Variants in CUL5 observed in about 807,000 individuals in gnomAD.
CUL5 encodes cullin 5.
CUL5 carries 26 observed loss-of-function variants against 108.8 expected under a neutral mutation model. The observed-to-expected ratio is 0.24, with a 90% CI of 0.18 to 0.33. The LOEUF (loss-of-function observed/expected upper bound fraction) is 0.33, where lower values mean the gene tolerates loss of function less well. Ranked by LOEUF, CUL5 falls within the 10% of genes least tolerant of loss-of-function variation. The pLI is 1.00. For missense variants in CUL5, 524 were observed against 909.2 expected (o/e 0.58, Z 5.45); for synonymous variants, 334 against 298.0 (o/e 1.12, Z -1.25).
At chr11:108,088,466 G>GA (rs558228012) in intron 11 of CUL5, 61 bp from the exon 12 acceptor site, 2 of 1,512,104 alleles carry the variant, frequency 1.3e-6, no homozygotes, top group South Asian at 2.5e-5. Context: ...ATTGACTTTA[G>GA]AAAAAAATAA....
chr11:108,090,500 A>C (rs535023661), intron 13 of CUL5, among the ~76,000 whole-genome samples: 4 of 149,598 alleles, frequency 2.7e-5, no homozygotes, highest in South Asian at 2.1e-4. Flanking sequence ...CAAGAAAAAT[A>C]AAATAAATAA....
chr11:108,088,947 G>C (rs1864287270), intron 12 of CUL5, among the ~76,000 whole-genome samples: 2 of 151,952 alleles, frequency 1.3e-5, no homozygotes, highest in South Asian at 4.2e-4. Flanking sequence ...AACAAATTTG[G>C]AATGATAGTT....
chr11:108,067,253 T>G (rs942053380), intron 7 of CUL5, among the ~76,000 whole-genome samples: 1 of 152,244 alleles, frequency 6.6e-6, no homozygotes, highest in Non-Finnish European at 1.5e-5. Context: ...ATACCTGTTA[T>G]AATAATTTGT....
At chr11:108,026,535 G>T (rs1257500298) in intron 1 of CUL5, among the ~76,000 whole-genome samples, 3 of 151,988 alleles carry the variant, frequency 2.0e-5, no homozygotes, top group Admixed American at 6.6e-5. Flanking sequence ...TCTCCTCTTA[G>T]CCTGTAGTCA....
rs1209955548 is a variant in CUL5 at position 108,094,894 on chromosome 11, A to ACTG, written c.1651_1653dup (p.Leu551dup). Reference sequence around the variant, plus strand: ...AAGTCTTTGTCTCACTTCCTACTGAACTGGAGGACTTGATACCGGAAGTAG... The same window carrying ACTG: ...AAGTCTTTGTCTCACTTCCTACTGAACTGCTGGAGGACTTGATACCGGAAGTAG... On this transcript the variant is annotated inframe_insertion, in exon 15 of 19. Coordinates refer to ENST00000393094, the MANE Select transcript of CUL5 (RefSeq NM_003478.6). The ACTG allele has an allele frequency of 6.2e-7, 1 of 1,613,126 alleles. No individual in the cohort carries two copies.
At chr11:108,093,855 A>T (rs1864419736) in intron 13 of CUL5, among the ~76,000 whole-genome samples, 1 of 152,146 alleles carries the variant, frequency 6.6e-6, no homozygotes, top group African/African-American at 2.4e-5. Flanking sequence ...GTATGCCGCC[A>T]TATCCTGCTA....
intron 4 of CUL5, among the ~76,000 whole-genome samples, chr11:108,050,747 A>T (rs558888002): frequency 1.3e-5 from 2 of 152,260 alleles, no homozygotes; most frequent in Admixed American, 6.5e-5. Flanking sequence ...TGATATCTTT[A>T]TGTTTAATTG....
intron 1 of CUL5, among the ~76,000 whole-genome samples, chr11:108,013,319 C>T (rs1006203817): frequency 6.6e-6 from 1 of 152,160 alleles, no homozygotes; most frequent in Non-Finnish European, 1.5e-5. Flanking sequence ...GTCTTAACTC[C>T]CATGATTTCA....
intron 13 of CUL5, among the ~76,000 whole-genome samples, chr11:108,090,117 A>G (rs920532159): frequency 6.6e-6 from 1 of 152,158 alleles, no homozygotes; most frequent in African/African-American, 2.4e-5. Context: ...TCAGTAAAGT[A>G]TCTTTGTTCT....
Position 108,088,445 on chromosome 11 carries a change from G to A in CUL5, c.1179-82G>A, listed in dbSNP as rs1864274685. 1.3e-4 allele frequency: 176 copies of A among 1,378,652 alleles called. 1 individual carries two copies. The South Asian group carries it at 2.1e-3, about 16-fold the overall frequency. The allele number at this position is 1,378,652 out of a possible 1,614,324, so 85.4% of individuals were successfully genotyped here. A position where few individuals can be genotyped will look rare whatever the true frequency, so the allele number is the denominator to read the frequency against. On this transcript the variant is annotated intron_variant, in intron 11 of 18. Transcript: ENST00000393094. ...CTAGATTATTTAACATGAGAAATTC[G>A]CTTGTGAATCATTGACTTTAGAAAA...
In CUL5 at chr11:108,072,399, G is replaced by A; in HGVS notation, c.942G>A (p.Leu314=). Residue 314 remains leucine (L), a synonymous_variant, in exon 9 of 19, where the codon TTG becomes TTA. Transcript: ENST00000393094. ...GTATAGAGCCAATGTTGAAAGACTT[G>A]GAGGAACATATCATTAGTGCTGGCC... ...PNGIEPMLKD[L]EEHIISAGLA... The A allele has an allele frequency of 6.2e-7, 1 of 1,612,302 alleles. No homozygotes were observed. Among genetic ancestry groups the A allele is most frequent in the Non-Finnish European group, 8.5e-7 (1 of 1,178,712 alleles).
Position 108,031,877 on chromosome 11 carries a change from G to T in CUL5, c.25-1925G>T, listed in dbSNP as rs977927127. On this transcript the variant is annotated intron_variant, in intron 1 of 18. Transcript: ENST00000393094. The stretch of plus-strand genomic sequence containing the variant: ...AGATCATGTCCTTTGCAGGGACATG[G>T]ATGGAGCTGGAGGCCATTTTCCTTA... 2.6e-5 allele frequency among the ~76,000 whole-genome samples: 4 copies of T among 152,302 alleles called. No homozygotes were observed. The South Asian group carries it at 8.3e-4, about 32-fold the overall frequency.
chr11:108,081,404 A>T (rs997735741), intron 11 of CUL5, among the ~76,000 whole-genome samples: 1 of 151,958 alleles, frequency 6.6e-6, no homozygotes, highest in African/African-American at 2.4e-5. Flanking sequence ...ATATTTTTGC[A>T]TGTGGATACC....
chr11:108,009,292 C>G lies in CUL5; in HGVS notation c.-57C>G. On this transcript the variant is annotated 5_prime_UTR_variant, in exon 1 of 19. Transcript: ENST00000393094. Reference sequence around the variant, plus strand: ...GGGAGCTCCGGCCTCCGGTCAAGGCCTGGCCGGGAGCGCCACGAATTCTCG... The same window carrying G: ...GGGAGCTCCGGCCTCCGGTCAAGGCGTGGCCGGGAGCGCCACGAATTCTCG... 6.2e-7 allele frequency: 1 copy of G among 1,603,054 alleles called. No individual in the cohort carries two copies. The highest frequency in any genetic ancestry group is 8.5e-7 in the Non-Finnish European group (1 of 1,171,450).
intron 9 of CUL5, 115 bp from the exon 10 acceptor site, chr11:108,073,275 T>C: frequency 8.5e-6 from 5 of 590,822 alleles, no homozygotes; most frequent in Admixed American, 6.8e-5. Flanking sequence ...GTTTTATTTT[T>C]AAGAAAAAAT....
intron 7 of CUL5, among the ~76,000 whole-genome samples, chr11:108,058,637 A>G (rs2135149715): frequency 6.6e-6 from 1 of 151,408 alleles, no homozygotes; most frequent in South Asian, 2.1e-4. Flanking sequence ...CTTTTACTTT[A>G]TGGAATATGG....
At chr11:108,076,844 G>C (rs1239169196) in intron 10 of CUL5, among the ~76,000 whole-genome samples, 1 of 152,220 alleles carries the variant, frequency 6.6e-6, no homozygotes, top group Non-Finnish European at 1.5e-5. Flanking sequence ...TCAGATTCGT[G>C]TTCTGATCAA....
rs755407863 is a variant in CUL5, at chr11:108,088,515, T to C, written c.1179-12T>C. On this transcript the variant is annotated splice_polypyrimidine_tract_variant and intron_variant, in intron 11 of 18. Transcript: ENST00000393094. ...TCATTTTTCCATCAACTGCTTTTAA[T>C]TTGTTTTTTAGGGTGGGATTAAAAA... 6.3e-7 allele frequency: 1 copy of C among 1,577,428 alleles called. No individual in the cohort carries two copies. The highest frequency in any genetic ancestry group is 1.4e-5 in the African/African-American group (1 of 72,420).
intron 13 of CUL5, among the ~76,000 whole-genome samples, chr11:108,090,217 G>A (rs565139754): frequency 2.0e-5 from 3 of 150,460 alleles, no homozygotes; most frequent in Non-Finnish European, 4.4e-5. Flanking sequence ...GGCTGGGCAC[G>A]GTGGCTCACA....
Sources: allele counts gnomAD v4.1 joint callset (sites outside exome capture counted in the v4.1 genomes callset), GRCh38; gene constraint gnomAD v4.1.1; transcripts MANE v1.5; gene names NCBI Gene and HGNC (gene_info 2026-07-23, HGNC 2026-07-21).